The following NUBP1 variants were observed in gnomAD, a reference collection of about 807,000 sequenced individuals.
The protein encoded by NUBP1 is NUBP iron-sulfur cluster assembly factor 1, cytosolic.
In NUBP1, 46 loss-of-function variants were observed where a neutral mutation model predicts 41.8. That is an observed-to-expected ratio of 1.10 (90% CI 0.87 to 1.41). The LOEUF (loss-of-function observed/expected upper bound fraction) is 1.41. Among genes scored for constraint, NUBP1 ranks in the 40% most tolerant of loss-of-function variants. The probability of loss-of-function intolerance (pLI) is 0.00; values close to 1 mark genes in which losing one functional copy is unlikely to be tolerated. For missense variants in NUBP1, 494 were observed against 414.0 expected (o/e 1.19, Z -1.68); for synonymous variants, 189 against 154.6 (o/e 1.22, Z -1.65).
chr16:10,767,467 A>T lies in NUBP1; in HGVS notation c.821-482A>T, dbSNP rs777801419. Reference sequence around the variant, plus strand: ...CCCATTCGTATTTTAGGTATATGAGAGTGTGTGTATGTGTGTGCGCACACA... The same window carrying T: ...CCCATTCGTATTTTAGGTATATGAGTGTGTGTGTATGTGTGTGCGCACACA... On this transcript the variant is annotated intron_variant, in intron 9 of 10. Coordinates refer to ENST00000283027, the MANE Select transcript of NUBP1 (RefSeq NM_002484.4). This position sits in a 1 kb window ranked among gnomAD's most constrained non-coding sequence, Gnocchi z 4.6. The T allele has an allele frequency of 2.8e-5, 11 of 393,740 alleles. No individual in the cohort carries two copies. Among genetic ancestry groups the T allele is most frequent in the African/African-American group, 1.9e-4 (9 of 47,720 alleles). The allele number at this position is 393,740 out of a possible 1,614,324, so 24.4% of individuals were successfully genotyped here. A position where few individuals can be genotyped will look rare whatever the true frequency, so the allele number is the denominator to read the frequency against.
chr16:10,768,919 CA>C lies in NUBP1; in HGVS notation c.905-127del. 1 of 761,234 alleles carries C rather than the reference CA, an allele frequency of 1.3e-6. No homozygotes were observed. The highest frequency in any genetic ancestry group is 2.2e-6 in the Non-Finnish European group (1 of 444,596). The allele number at this position is 761,234 out of a possible 1,614,324, so 47.2% of individuals were successfully genotyped here. The stretch of plus-strand genomic sequence containing the variant: ...TCAAAGACTCAGGGCATCACAGACA[CA>C]GGTCTTTTTATGGAACTAGCCAGAG... On this transcript the variant is annotated intron_variant, in intron 10 of 10. Transcript: ENST00000283027. This position sits in a 1 kb window ranked among gnomAD's most constrained non-coding sequence, Gnocchi z 4.3.
chr16:10,758,736 G>T (rs1900743239), intron 7 of NUBP1, among the ~76,000 whole-genome samples: 1 of 152,182 alleles, frequency 6.6e-6, no homozygotes, highest in South Asian at 2.1e-4. Flanking sequence ...GGATGATTTA[G>T]GAAATCTCTC....
At chr16:10,746,064 G>A (rs80245801) in intron 2 of NUBP1, among the ~76,000 whole-genome samples, 11,004 of 152,278 alleles carry the variant, frequency 0.072, 562 homozygotes, top group South Asian at 0.18. Context: ...ATTGCATGGG[G>A]CCTTTGGCCT....
intron 4 of NUBP1, among the ~76,000 whole-genome samples, chr16:10,754,845 G>A (rs1025028064): frequency 6.6e-6 from 1 of 151,934 alleles, no homozygotes; most frequent in Non-Finnish European, 1.5e-5. Flanking sequence ...AGGAGTTTGA[G>A]ACCAGGCTGG....
At chr16:10,762,109 G>A (rs1260664379) in intron 9 of NUBP1, 1 of 379,226 alleles carries the variant, frequency 2.6e-6, no homozygotes, top group Non-Finnish European at 4.8e-6. Flanking sequence ...ATGGGGTAGA[G>A]GTTGGTGAGG....
At position 10,759,846 on chromosome 16, in the gene NUBP1, C is replaced by T. The variant is rs1900822865; in HGVS notation, c.607-1518C>T. 1.3e-5 allele frequency among the ~76,000 whole-genome samples: 2 copies of T among 152,308 alleles called. No individual in the cohort carries two copies. The highest frequency in any genetic ancestry group is 6.5e-5 in the Admixed American group (1 of 15,304). ...CTTTCTAGCTGAGCGCCCCTTCCTC[C>T]GCATCCCAGCCTCAGTGTCAAGAGC... is the stretch of plus-strand genomic sequence containing the variant. On this transcript the variant is annotated intron_variant, in intron 7 of 10. Transcript: ENST00000283027. This position sits in a 1 kb window ranked among gnomAD's most constrained non-coding sequence, Gnocchi z 4.7.
At chr16:10,745,485 T>C (rs1900017667) in intron 2 of NUBP1, among the ~76,000 whole-genome samples, 1 of 152,084 alleles carries the variant, frequency 6.6e-6, no homozygotes, top group Admixed American at 6.6e-5. Context: ...AGAAAAATAG[T>C]TATCTCTGTC....
chr16:10,756,296 T>G (rs1900550558), intron 5 of NUBP1, among the ~76,000 whole-genome samples: 1 of 152,044 alleles, frequency 6.6e-6, no homozygotes, highest in African/African-American at 2.4e-5. Context: ...GGAGAATTGC[T>G]TGAACCCGGG....
At chr16:10,750,171 C>T (rs1489228717) in intron 3 of NUBP1, among the ~76,000 whole-genome samples, 1 of 152,198 alleles carries the variant, frequency 6.6e-6, no homozygotes, top group African/African-American at 2.4e-5. Flanking sequence ...GCACTCCAGC[C>T]TGGGCAACAG....
chr16:10,752,740 C>T lies in NUBP1; in HGVS notation c.327+62C>T, dbSNP rs976058819. On this transcript the variant is annotated intron_variant, in intron 4 of 10. Coordinates refer to ENST00000283027, the MANE Select transcript of NUBP1 (RefSeq NM_002484.4). ...TTAAGGCAAACTCTGTAGCACTGAA[C>T]TGTCAAACCTCAACAAAGAGGCATG... 8.1e-6 allele frequency: 11 copies of T among 1,354,968 alleles called. No individual in the cohort carries two copies. In the African/African-American group the frequency reaches 1.3e-4, roughly 16 times the overall value. The allele number at this position is 1,354,968 out of a possible 1,614,324, so 83.9% of individuals were successfully genotyped here. A position where few individuals can be genotyped will look rare whatever the true frequency, so the allele number is the denominator to read the frequency against.
At chr16:10,746,820 T>C (rs974590668) in intron 2 of NUBP1, among the ~76,000 whole-genome samples, 2 of 152,226 alleles carry the variant, frequency 1.3e-5, no homozygotes, top group South Asian at 2.1e-4. Flanking sequence ...TTGGTGACCA[T>C]TGCTGTTTGC....
Position 10,749,122 on chromosome 16 carries a change from C to CACACACAG in NUBP1, c.258+1849_258+1850insCACAGACA, listed in dbSNP as rs1374642740. ...AAAAGGATATAGATAGATACACAGA[C>CACACACAG]ACATACACACACACACACACACACA... On this transcript the variant is annotated intron_variant, in intron 3 of 10. Transcript: ENST00000283027. The surrounding 1 kb of genome is among the most constrained non-coding windows in gnomAD (Gnocchi z 4.1). 2.2e-5 allele frequency among the ~76,000 whole-genome samples: 2 copies of CACACACAG among 91,672 alleles called. No individual in the cohort carries two copies. The highest frequency in any genetic ancestry group is 8.9e-5 in the African/African-American group (2 of 22,480). The allele number at this position is 91,672 out of a possible 152,430, so 60.1% of individuals were successfully genotyped here.
intron 3 of NUBP1, among the ~76,000 whole-genome samples, chr16:10,748,327 A>G (rs1900155361): frequency 6.6e-6 from 1 of 152,108 alleles, no homozygotes; most frequent in Non-Finnish European, 1.5e-5. Flanking sequence ...CTAATAATAT[A>G]TTTGCTGTTG....
Position 10,765,089 on chromosome 16 carries a change from A to G in NUBP1, c.821-2860A>G, listed in dbSNP as rs1468988826. 6.5e-6 allele frequency: 1 copy of G among 153,854 alleles called. No individual in the cohort carries two copies. The highest frequency in any genetic ancestry group is 2.4e-5 in the African/African-American group (1 of 41,456). The allele number at this position is 153,854 out of a possible 1,614,324, so 9.5% of individuals were successfully genotyped here. On this transcript the variant is annotated intron_variant, in intron 9 of 10. Transcript: ENST00000283027. This position sits in a 1 kb window ranked among gnomAD's most constrained non-coding sequence, Gnocchi z 4.0. ...GCAGCCTGGGAGTGGCATTGCCTCA[A>G]CACAAACGTGGTGGTGGATTTTGGA...
At chr16:10,744,109 C>T in intron 2 of NUBP1, 44 bp downstream of exon 2, 1 of 1,472,462 alleles carries the variant, frequency 6.8e-7, no homozygotes, top group Non-Finnish European at 9.0e-7. Flanking sequence ...GAGGCGCAGG[C>T]CCGGAAAAGG....
chr16:10,751,083 A>G (rs1900292062), intron 3 of NUBP1, among the ~76,000 whole-genome samples: 1 of 152,186 alleles, frequency 6.6e-6, no homozygotes, highest in African/African-American at 2.4e-5. Flanking sequence ...GAGCTTGTCA[A>G]CAGCCTCTCG....
rs533208449 is a variant in NUBP1, at chr16:10,765,327, T to TAAAA, written c.821-2603_821-2600dup. On this transcript the variant is annotated intron_variant, in intron 9 of 10. Transcript: ENST00000283027. The surrounding 1 kb of genome is among the most constrained non-coding windows in gnomAD (Gnocchi z 4.0). ...TAACACAGGAAGATACCTCATCTCT[T>TAAAA]AAAAAAAAAAAAAAAAAAAAAAGGA... Among the ~76,000 whole-genome samples the TAAAA allele has an allele frequency of 9.0e-6, 1 of 111,270 alleles. No individual in the cohort carries two copies. The highest frequency in any genetic ancestry group is 3.4e-5 in the African/African-American group (1 of 29,356). The allele number at this position is 111,270 out of a possible 152,430, so 73.0% of individuals were successfully genotyped here.
chr16:10,756,195 A>G (rs1328570284), intron 5 of NUBP1, among the ~76,000 whole-genome samples: 1 of 152,166 alleles, frequency 6.6e-6, no homozygotes, highest in African/African-American at 2.4e-5. Context: ...CCTGGCCAAC[A>G]TGGCGAAATC....
chr16:10,754,478 G>A (rs1900466372), intron 4 of NUBP1, among the ~76,000 whole-genome samples: 1 of 151,686 alleles, frequency 6.6e-6, no homozygotes, highest in Non-Finnish European at 1.5e-5. Flanking sequence ...CCTGACCTCA[G>A]GTGATCCTCC....
Sources: gnomAD v4.1 joint callset for allele counts (sites outside exome capture counted in the v4.1 genomes callset) on GRCh38, gnomAD v4.1.1 for gene constraint, Gnocchi (gnomAD v3.1) non-coding constraint, MANE v1.5 for transcripts, NCBI Gene and HGNC (gene_info 2026-07-23, HGNC 2026-07-21) for gene names.